PIWIL2: variants seen among roughly 807,000 people sequenced by gnomAD.
PIWIL2 encodes the protein piwi like RNA-mediated gene silencing 2, also known as piwi-like protein 2.
Under a neutral mutation model 116.5 loss-of-function variants are expected in PIWIL2, and 81 were observed. That is an observed-to-expected ratio of 0.70 (90% confidence interval 0.58 to 0.84). The LOEUF is 0.84. Among genes scored for constraint, PIWIL2 ranks in the 40% least tolerant of loss-of-function variants. The pLI is 0.00. For synonymous variants in PIWIL2, 489 were observed against 429.5 expected (o/e 1.14, Z -1.71); for missense variants, 1,272 against 1,212.3 (o/e 1.05, Z -0.73).
At chr8:22,284,899 G>A (rs1830596503) in intron 6 of PIWIL2, among the ~76,000 whole-genome samples, 1 of 152,130 alleles carries the variant, frequency 6.6e-6, no homozygotes, top group South Asian at 2.1e-4. Flanking sequence ...AGCTGGAATT[G>A]TGAAAATGAG....
At chr8:22,330,849 C>G (rs1298991546) in intron 20 of PIWIL2, among the ~76,000 whole-genome samples, 1 of 151,994 alleles carries the variant, frequency 6.6e-6, no homozygotes, top group Non-Finnish European at 1.5e-5. Context: ...TTTTCTATTT[C>G]TTGGCAAGCA....
chr8:22,354,404 T>C (rs767697225), intron 22 of PIWIL2, 26 bp downstream of exon 22: 3 of 1,435,544 alleles, frequency 2.1e-6, no homozygotes, highest in East Asian at 4.5e-5. Context: ...ACTTACTCTT[T>C]CTCTTTCTTA....
At position 22,310,970 on chromosome 8, in the gene PIWIL2, G is replaced by A. The variant is rs528533099; in HGVS notation, c.1801-142G>A. ...ACGCCACAGTTTTCTTATCATGTAC[G>A]TTCATGTTAATACAGGAGTTAGATA... On this transcript the variant is annotated intron_variant, in intron 15 of 22. Coordinates refer to ENST00000356766, the MANE Select transcript of PIWIL2 (RefSeq NM_018068.5). The A allele has an allele frequency of 2.9e-5, 20 of 688,994 alleles. No individual in the cohort carries two copies. In the South Asian group the frequency reaches 3.1e-4, roughly 11 times the overall value. The allele number at this position is 688,994 out of a possible 1,614,324, so 42.7% of individuals were successfully genotyped here. A position where few individuals can be genotyped will look rare whatever the true frequency, so the allele number is the denominator to read the frequency against.
intron 20 of PIWIL2, among the ~76,000 whole-genome samples, chr8:22,329,640 T>TGACA (rs1831812435): frequency 6.6e-6 from 1 of 152,202 alleles, no homozygotes; most frequent in African/African-American, 2.4e-5. Context: ...ACCTCCAGTA[T>TGACA]TGGGAATTAC....
chr8:22,345,611 C>T (rs894838802), intron 20 of PIWIL2, among the ~76,000 whole-genome samples: 2 of 152,244 alleles, frequency 1.3e-5, no homozygotes, highest in South Asian at 4.2e-4. Flanking sequence ...TGGCAGTGAG[C>T]TGAGATTGCA....
At chr8:22,336,634 C>T (rs1023427443) in intron 20 of PIWIL2, among the ~76,000 whole-genome samples, 7 of 152,114 alleles carry the variant, frequency 4.6e-5, no homozygotes, top group African/African-American at 1.7e-4. Context: ...GAGCTGGGTG[C>T]AGTGGCTCAT....
At chr8:22,288,798 T>C (rs1241009379) in intron 8 of PIWIL2, 132 bp downstream of exon 8, 1 of 704,516 alleles carries the variant, frequency 1.4e-6, no homozygotes, top group African/African-American at 1.8e-5. Flanking sequence ...AATGAATAAA[T>C]GGATGGTATT....
intron 10 of PIWIL2, among the ~76,000 whole-genome samples, chr8:22,299,704 A>G (rs1831000325): frequency 6.6e-6 from 1 of 152,110 alleles, no homozygotes; most frequent in Non-Finnish European, 1.5e-5. Context: ...ATATGGATAT[A>G]TATTTGATAT....
chr8:22,286,460 T>G (rs573701948), intron 6 of PIWIL2, among the ~76,000 whole-genome samples: 10 of 152,250 alleles, frequency 6.6e-5, no homozygotes, highest in Admixed American at 2.6e-4. Flanking sequence ...GGAAACAGGC[T>G]TGTTGTGAAA....
intron 5 of PIWIL2, among the ~76,000 whole-genome samples, chr8:22,283,876 C>T (rs1830570760): frequency 6.6e-6 from 1 of 152,176 alleles, no homozygotes; most frequent in Non-Finnish European, 1.5e-5. Flanking sequence ...CATCTTTCTC[C>T]ATAGAACTCA....
At chr8:22,320,152 A>G (rs1250182113) in intron 20 of PIWIL2, among the ~76,000 whole-genome samples, 1 of 151,516 alleles carries the variant, frequency 6.6e-6, no homozygotes, top group South Asian at 2.1e-4. Context: ...TAGTAGAGAC[A>G]GGGTTTCGGC....
Position 22,289,886 on chromosome 8 carries a change from C to T in PIWIL2, c.1026C>T (p.Asn342=). The T allele has an allele frequency of 3.7e-6, 6 of 1,612,582 alleles. No homozygotes were observed. Among genetic ancestry groups the T allele is most frequent in the Non-Finnish European group, 5.1e-6 (6 of 1,178,660 alleles). The change falls in exon 9 of 23, where the codon AAC becomes AAT. Residue 342 remains asparagine (N), a synonymous_variant. Coordinates refer to ENST00000356766, the MANE Select transcript of PIWIL2 (RefSeq NM_018068.5). ...KLLDMKLVGR[N]FYDPTSAMVL... ...TAGATATGAAGCTTGTGGGGAGAAA[C>T]TTTTATGACCCTACAAGTGCTATGG... is the stretch of plus-strand genomic sequence containing the variant.
At chr8:22,350,162 G>T (rs1206481493) in intron 20 of PIWIL2, among the ~76,000 whole-genome samples, 1 of 152,202 alleles carries the variant, frequency 6.6e-6, no homozygotes, top group Admixed American at 6.5e-5. Context: ...GAGCTGACAG[G>T]TTGGGAAACC....
chr8:22,293,903 A>G (rs1830824093), intron 10 of PIWIL2, among the ~76,000 whole-genome samples: 1 of 152,182 alleles, frequency 6.6e-6, no homozygotes, highest in South Asian at 2.1e-4. Flanking sequence ...TGTCACCCAC[A>G]TACTCTTTCA....
In PIWIL2 at chr8:22,283,235, G is replaced by A. The variant is rs888971032; in HGVS notation, c.627G>A (p.Lys209=). Residue 209 remains lysine (K), a synonymous_variant, in exon 5 of 23, where the codon AAG becomes AAA. Coordinates refer to ENST00000356766, the MANE Select transcript of PIWIL2 (RefSeq NM_018068.5). ...DRPLVLTVEH[K]EKELIVKQGS... ...CTCTGGTCCTGACTGTGGAACACAA[G>A]GAAAAGTAAGTCAGGAGCACTGCCT... 1.9e-6 allele frequency: 3 copies of A among 1,612,322 alleles called. No individual in the cohort carries two copies. The African/African-American group carries it at 4.0e-5, about 22-fold the overall frequency.
chr8:22,278,606 A>C (rs986780092), intron 1 of PIWIL2, among the ~76,000 whole-genome samples: 9 of 152,238 alleles, frequency 5.9e-5, no homozygotes, highest in Admixed American at 3.9e-4. Context: ...AAGTAAGTTC[A>C]AGGAGGACAC....
intron 13 of PIWIL2, among the ~76,000 whole-genome samples, chr8:22,307,058 T>TGGTA (rs1242652383): frequency 6.6e-6 from 1 of 152,242 alleles, no homozygotes; most frequent in African/African-American, 2.4e-5. Flanking sequence ...AAGTGACTTA[T>TGGTA]GGTAACATCA....
At chr8:22,338,092 CA>C (rs971328900) in intron 20 of PIWIL2, among the ~76,000 whole-genome samples, 49 of 126,732 alleles carry the variant, frequency 3.9e-4, no homozygotes, top group Non-Finnish European at 3.5e-4. Context: ...GACTCCATCT[CA>C]AAAAAAAAAA....
chr8:22,280,723 C>T (rs537340561), intron 2 of PIWIL2, among the ~76,000 whole-genome samples: 1 of 152,294 alleles, frequency 6.6e-6, no homozygotes, highest in East Asian at 1.9e-4. Context: ...TTAACCAGTA[C>T]ACTTGTTCTC....
Sources: allele counts gnomAD v4.1 joint callset (sites outside exome capture counted in the v4.1 genomes callset), GRCh38; gene constraint gnomAD v4.1.1; transcripts MANE v1.5; gene names NCBI Gene and HGNC (gene_info 2026-07-23, HGNC 2026-07-21).